KANSL2: variants seen among roughly 807,000 people sequenced by gnomAD.
KANSL2 encodes the protein KAT8 regulatory NSL complex subunit 2.
KANSL2 carries 34 observed loss-of-function variants against 55.6 expected under a neutral mutation model. The observed-to-expected ratio is 0.61, with a 90% CI of 0.46 to 0.81. The LOEUF (loss-of-function observed/expected upper bound fraction) is 0.81. KANSL2 is among the 40% of genes least tolerant of loss of function. The pLI, the probability that KANSL2 is intolerant of heterozygous loss-of-function variation, is 0.00. For synonymous variants in KANSL2, 209 were observed against 214.3 expected (o/e 0.98, Z 0.22); for missense variants, 502 against 609.9 (o/e 0.82, Z 1.86).
At chr12:48,661,078 G>T in intron 7 of KANSL2, 1 of 257,550 alleles carries the variant, frequency 3.9e-6, no homozygotes, top group Non-Finnish European at 6.2e-6. Context: ...CTTGGACCTC[G>T]TTTCCAAAGA....
intron 7 of KANSL2, chr12:48,661,346 G>A (rs1592098961): frequency 2.5e-5 from 6 of 235,568 alleles, no homozygotes; most frequent in Non-Finnish European, 4.1e-5. Flanking sequence ...AAAGGTAGAA[G>A]AAGAAAAGGG....
intron 6 of KANSL2, among the ~76,000 whole-genome samples, chr12:48,668,636 C>T (rs1939646071): frequency 6.6e-6 from 1 of 152,078 alleles, no homozygotes; most frequent in Admixed American, 6.6e-5. Context: ...GAGGTGGATG[C>T]TGCGGTGAGC....
Position 48,679,096 on chromosome 12 carries a change from C to T in KANSL2, c.485G>A (p.Trp162Ter). 1 of 1,613,940 alleles carries T rather than the reference C, an allele frequency of 6.2e-7. No individual in the cohort carries two copies. Among genetic ancestry groups the T allele is most frequent in the Non-Finnish European group, 8.5e-7 (1 of 1,179,862 alleles). Residue 162 changes from tryptophan to a stop codon, truncating the protein, a stop_gained, in exon 4 of 10, where the codon TGG (tryptophan) becomes TAG (stop). Coordinates refer to ENST00000420613, the MANE Select transcript of KANSL2 (RefSeq NM_017822.4). LOFTEE classifies it high-confidence loss of function. ...EQEPITVDQT[W>*]RGDPDSEADS... Reference sequence around the variant, plus strand: ...AGCTTCACTGTCAGGGTCACCTCTCCATGTCTGATCCACAGTAATGGGTTC... The same window carrying T: ...AGCTTCACTGTCAGGGTCACCTCTCTATGTCTGATCCACAGTAATGGGTTC...
In KANSL2 at chr12:48,667,717, G is replaced by A; in HGVS notation, c.949C>T (p.Pro317Ser). ...CGGGTAAGGCAGTGTCTGGTCATTG[G>A]AAGAGACTGATTGGAACAACGAACA... The part of the protein sequence containing the change: ...DDVRCSNQSL[P>S]MTRHCLTHIC... Residue 317 changes from proline to serine, a missense_variant, in exon 7 of 10, where the codon CCA becomes TCA. Physicochemically the swap from Pro to Ser is moderately conservative, Grantham distance 74. Transcript: ENST00000420613. The A allele has an allele frequency of 1.2e-6, 2 of 1,613,760 alleles. No individual in the cohort carries two copies. Among genetic ancestry groups the A allele is most frequent in the Non-Finnish European group, 1.7e-6 (2 of 1,179,652 alleles).
intron 5 of KANSL2, among the ~76,000 whole-genome samples, chr12:48,671,341 C>T (rs577841002): frequency 6.7e-6 from 1 of 149,696 alleles, no homozygotes; most frequent in Non-Finnish European, 1.5e-5. Context: ...ATTGAAGAAA[C>T]TTTTTTTATA....
At chr12:48,660,969 C>G (rs1176519590) in intron 7 of KANSL2, among the ~76,000 whole-genome samples, 1 of 152,104 alleles carries the variant, frequency 6.6e-6, no homozygotes, top group South Asian at 2.1e-4. Context: ...GTGGCAAATG[C>G]AAATAGCCTT....
At position 48,663,092 on chromosome 12, in the gene KANSL2, A is replaced by C. The variant is rs541733218; in HGVS notation, c.974-2473T>G. On this transcript the variant is annotated intron_variant, in intron 7 of 9. Transcript: ENST00000420613. ...TATATTTAATGCCTGAAAATATTCC[A>C]CACTATGTTGTGTCATTAATTTATC... Among the ~76,000 whole-genome samples the C allele has an allele frequency of 3.9e-5, 6 of 152,290 alleles. No individual in the cohort carries two copies. In the East Asian group the frequency reaches 1.2e-3, roughly 29 times the overall value.
intron 7 of KANSL2, among the ~76,000 whole-genome samples, chr12:48,663,119 A>C (rs74089357): frequency 0.019 from 2,917 of 152,260 alleles, 95 homozygotes; most frequent in African/African-American, 0.067. Context: ...TAATTTATCT[A>C]CCTATTCTCC....
At position 48,660,400 on chromosome 12, in the gene KANSL2, T is replaced by A. The variant is rs746824761; in HGVS notation, c.1193A>T (p.Gln398Leu). 6 of 1,613,992 alleles carry A rather than the reference T, an allele frequency of 3.7e-6. No individual in the cohort carries two copies. In the Admixed American group the frequency reaches 1.0e-4, roughly 27 times the overall value. ...CTCCAGAGGTAAACTCTCAGTGGGC[T>A]GAAGCTCAGCAGCACTCAAGTACAG... ...MDLYLSAAEL[Q>L]PTESLPLEFS... The change falls in exon 8 of 10, where the codon CAG becomes CTG. Residue 398 changes from glutamine to leucine, a missense_variant. Transcript: ENST00000420613.
At chr12:48,674,394 C>T (rs1372062337) in intron 4 of KANSL2, among the ~76,000 whole-genome samples, 1 of 152,184 alleles carries the variant, frequency 6.6e-6, no homozygotes, top group Non-Finnish European at 1.5e-5. Flanking sequence ...AGGCATTCCA[C>T]CCGACTCGGC....
chr12:48,681,273 CA>C, intron 2 of KANSL2, 108 bp downstream of exon 2: 1 of 1,340,204 alleles, frequency 7.5e-7, no homozygotes, highest in Non-Finnish European at 1.0e-6. Flanking sequence ...ACCATAACCC[CA>C]AATTTACAAG....
intron 7 of KANSL2, among the ~76,000 whole-genome samples, chr12:48,664,431 C>T (rs1939550154): frequency 6.6e-6 from 1 of 151,830 alleles, no homozygotes; most frequent in African/African-American, 2.4e-5. Context: ...AGGCGCCCAC[C>T]ACCGCACCCG....
chr12:48,679,260 C>CAA (rs368603509), intron 3 of KANSL2, 110 bp from the exon 4 acceptor site: 62 of 580,662 alleles, frequency 1.1e-4, no homozygotes, highest in African/African-American at 2.7e-4. Flanking sequence ...AAAAACAAAA[C>CAA]AAAAAAAAAA....
At position 48,679,717 on chromosome 12, in the gene KANSL2, G is replaced by T; in HGVS notation, c.368C>A (p.Ala123Asp). ...AGTCTGAGACCCCAGCTCTGTCTTA[G>T]CATATGAGCTCAGCTGGCACAGGAG... Reference protein sequence around the residue: ...ETLLCQLSSYAKTELGSQTPE... With the variant: ...ETLLCQLSSYDKTELGSQTPE... The change falls in exon 3 of 10, where the codon GCT becomes GAT. Residue 123 changes from alanine to aspartate, a missense_variant. By Grantham distance (126) the Ala-to-Asp change is moderately radical. Coordinates refer to ENST00000420613, the MANE Select transcript of KANSL2 (RefSeq NM_017822.4). The T allele has an allele frequency of 6.2e-7, 1 of 1,613,070 alleles. No individual in the cohort carries two copies. The highest frequency in any genetic ancestry group is 8.5e-7 in the Non-Finnish European group (1 of 1,179,538).
Position 48,681,449 on chromosome 12 carries a change from T to C in KANSL2, c.184A>G (p.Ser62Gly), listed in dbSNP as rs373073545. The C allele has an allele frequency of 4.7e-5, 76 of 1,613,964 alleles. No individual in the cohort carries two copies. In the African/African-American group the frequency reaches 6.0e-4, roughly 13 times the overall value. ...EDKNAPFKQC[S>G]YISTKNGKRC... ...TTTCCATTCTTCGTCGATATATAAC[T>C]ACACTGCTTGAAGGGTGCATTCTTG... The change falls in exon 2 of 10, where the codon AGT becomes GGT. Residue 62 changes from serine (S) to glycine (G), a missense_variant. Ser to Gly is a moderately conservative substitution (Grantham distance 56). Coordinates refer to ENST00000420613, the MANE Select transcript of KANSL2 (RefSeq NM_017822.4).
At chr12:48,681,901 G>A in intron 1 of KANSL2, 1 of 703,736 alleles carries the variant, frequency 1.4e-6, no homozygotes, top group East Asian at 2.7e-5. Flanking sequence ...GCAGCACGAA[G>A]GGAAGCGACA....
At chr12:48,672,407 ACG>A (rs1491431231) in intron 4 of KANSL2, among the ~76,000 whole-genome samples, 14 of 121,640 alleles carry the variant, frequency 1.2e-4, no homozygotes, top group African/African-American at 3.7e-4. Context: ...ATATATATAT[ACG>A]TATATATATA....
chr12:48,665,954 TG>T (rs1256692372), intron 7 of KANSL2, among the ~76,000 whole-genome samples: 3 of 152,318 alleles, frequency 2.0e-5, no homozygotes, highest in South Asian at 2.1e-4. Context: ...GGCTCACAAC[TG>T]TAATCCTAGC....
chr12:48,681,976 G>A (rs779825123), intron 1 of KANSL2: 9 of 702,972 alleles, frequency 1.3e-5, no homozygotes, highest in African/African-American at 1.0e-4. Flanking sequence ...GCCTGCCTCA[G>A]AGCGCACGAC....
Sources: gnomAD v4.1 joint callset for allele counts (sites outside exome capture counted in the v4.1 genomes callset) on GRCh38, gnomAD v4.1.1 for gene constraint, MANE v1.5 for transcripts, NCBI Gene and HGNC (gene_info 2026-07-23, HGNC 2026-07-21) for gene names.